Variants in SVOP observed in about 807,000 individuals in gnomAD.
SVOP encodes synaptic vesicle 2-related protein.
Under a neutral mutation model 69.1 loss-of-function variants are expected in SVOP, and 17 were observed. The ratio of observed to expected loss-of-function variants is 0.25; its 90% CI spans 0.17 to 0.37. The LOEUF (loss-of-function observed/expected upper bound fraction) is 0.37. SVOP is among the 10% of genes least tolerant of loss of function. SVOP has a pLI of 1.00. For synonymous variants in SVOP, 238 were observed against 238.6 expected (o/e 1.00, Z 0.02); for missense variants, 435 against 597.5 (o/e 0.73, Z 2.84).
chr12:108,955,298 C>T (rs1187361170), intron 6 of SVOP, among the ~76,000 whole-genome samples: 6 of 152,268 alleles, frequency 3.9e-5, no homozygotes, highest in South Asian at 2.1e-4. Context: ...GAGGGGAAAA[C>T]GGTATCGTCC....
At chr12:108,973,244 C>G (rs2040088939) in intron 4 of SVOP, among the ~76,000 whole-genome samples, 1 of 152,164 alleles carries the variant, frequency 6.6e-6, no homozygotes, top group South Asian at 2.1e-4. Context: ...GATAAGGCAA[C>G]TGAGGGCCAG....
chr12:109,016,529 T>C (rs1408786820), intron 1 of SVOP, among the ~76,000 whole-genome samples: 3 of 152,182 alleles, frequency 2.0e-5, no homozygotes, highest in Non-Finnish European at 2.9e-5. Context: ...TCATTAATGA[T>C]CTTTTGGCTG....
intron 7 of SVOP, among the ~76,000 whole-genome samples, chr12:108,942,208 T>C (rs771214728): frequency 6.6e-6 from 1 of 152,240 alleles, no homozygotes; most frequent in Non-Finnish European, 1.5e-5. Flanking sequence ...AATATTCCAA[T>C]GAATGTATAG....
rs145381631 is a variant in SVOP at position 108,945,095 on chromosome 12, C to T, written c.642+8G>A. The T allele has an allele frequency of 9.1e-6, 14 of 1,536,962 alleles. No individual in the cohort carries two copies. Among genetic ancestry groups the T allele is most frequent in the South Asian group, 1.2e-5 (1 of 84,052 alleles). ...TGCTCTAGAGACCCAGGCCGCTCTC[C>T]TCCTTACCTCAATCAGCAAAATACA... On this transcript the variant is annotated splice_region_variant and intron_variant, in intron 7 of 15. Coordinates refer to ENST00000610966, the MANE Select transcript of SVOP (RefSeq NM_018711.5).
intron 11 of SVOP, among the ~76,000 whole-genome samples, chr12:108,924,444 AG>A (rs2039768448): frequency 1.3e-5 from 2 of 152,302 alleles, no homozygotes; most frequent in African/African-American, 2.4e-5. Context: ...CCAGTTGCTC[AG>A]GCAGAAAGCC....
At chr12:108,935,857 C>G (rs1413834303) in intron 10 of SVOP, among the ~76,000 whole-genome samples, 1 of 152,150 alleles carries the variant, frequency 6.6e-6, no homozygotes, top group Non-Finnish European at 1.5e-5. Context: ...TCTCCACTCC[C>G]TTCCATGGGT....
At chr12:109,007,287 A>G (rs2040314119) in intron 1 of SVOP, among the ~76,000 whole-genome samples, 1 of 152,210 alleles carries the variant, frequency 6.6e-6, no homozygotes, top group Non-Finnish European at 1.5e-5. Flanking sequence ...AGCAGCAGAG[A>G]CTGCCAAGGT....
chr12:108,987,013 C>T (rs36179786), intron 1 of SVOP, among the ~76,000 whole-genome samples: 135,141 of 152,168 alleles, frequency 0.89, 61,170 homozygotes, highest in Non-Finnish European at 0.99. Flanking sequence ...TATTAAAATA[C>T]AAAATTTGCC....
At chr12:108,961,168 G>T (rs1168011650) in intron 5 of SVOP, 121 bp from the exon 6 acceptor site, 9 of 1,265,520 alleles carry the variant, frequency 7.1e-6, no homozygotes, top group Non-Finnish European at 9.4e-6. Flanking sequence ...AACCAAGGGG[G>T]TACTGGGTTC....
intron 14 of SVOP, 142 bp downstream of exon 14, chr12:108,917,901 C>T: frequency 1.7e-6 from 1 of 577,930 alleles, no homozygotes. Flanking sequence ...CTGCCTCGGC[C>T]TCCCAAAGTG....
intron 4 of SVOP, among the ~76,000 whole-genome samples, chr12:108,975,035 C>T (rs144093182): frequency 6.6e-6 from 1 of 152,286 alleles, no homozygotes; most frequent in Non-Finnish European, 1.5e-5. Context: ...CTGGATTCTA[C>T]ATGGTTTTTA....
intron 3 of SVOP, 65 bp from the exon 4 acceptor site, chr12:108,977,561 G>T: frequency 1.8e-6 from 2 of 1,091,494 alleles, no homozygotes; most frequent in East Asian, 2.6e-5. Context: ...GGCTGGCCAA[G>T]TCCATAACCC....
chr12:108,937,314 G>T lies in SVOP; in HGVS notation c.921C>A (p.Asp307Glu), dbSNP rs571006702. The T allele has an allele frequency of 2.5e-6, 4 of 1,613,912 alleles. No individual in the cohort carries two copies. The highest frequency in any genetic ancestry group is 3.3e-5 in the Admixed American group (2 of 60,018). Residue 307 changes from aspartate (D) to glutamate (E), a missense_variant, in exon 10 of 16, where the codon GAC becomes GAA. Coordinates refer to ENST00000610966, the MANE Select transcript of SVOP (RefSeq NM_018711.5). ...TCCATCTAAAATGGGGTGTGAAAAG[G>T]TCCCTCATTTTGCCTCGGTCTTCCT... ...SRQEDRGKMR[D>E]LFTPHFRWTT...
chr12:109,004,348 C>T (rs560534435), intron 1 of SVOP, among the ~76,000 whole-genome samples: 19 of 151,712 alleles, frequency 1.3e-4, no homozygotes, highest in Admixed American at 1.1e-3. Context: ...CTTGTTTGTA[C>T]CACCATAGAA....
rs183713084 is a variant in SVOP, at chr12:108,924,985, C to A, written c.1049-2188G>T. Among the ~76,000 whole-genome samples, 241 of 152,174 alleles carry A rather than the reference C, an allele frequency of 1.6e-3. 2 individuals carry two copies. The highest frequency in any genetic ancestry group is 5.6e-3 in the African/African-American group (234 of 41,528). On this transcript the variant is annotated intron_variant, in intron 11 of 15. Transcript: ENST00000610966. ...ACAGGCCAAACCTTAACACTCCTTC[C>A]TGCTGACCTCAAGTTTTTGAAAAAG...
At chr12:108,928,364 C>CA (rs1197813108) in intron 11 of SVOP, among the ~76,000 whole-genome samples, 2 of 152,070 alleles carry the variant, frequency 1.3e-5, no homozygotes, top group Non-Finnish European at 2.9e-5. Flanking sequence ...ATTTTTGATC[C>CA]AATTCCTCAC....
intron 1 of SVOP, among the ~76,000 whole-genome samples, chr12:108,998,091 A>G (rs2040247088): frequency 6.6e-6 from 1 of 152,110 alleles, no homozygotes; most frequent in Admixed American, 6.6e-5. Flanking sequence ...TATAACTAGA[A>G]TAACCAATAC....
At position 109,020,924 on chromosome 12, in the gene SVOP, T is replaced by G. The variant is rs527583959; in HGVS notation, c.-56A>C. ...ATGGCCCTTACATGGTAGTGGTGGA[T>G]GACGAGCCCTCCGGTTTTCAGCACC... On this transcript the variant is annotated 5_prime_UTR_variant, in exon 1 of 16. Transcript: ENST00000610966. 63 of 704,236 alleles carry G rather than the reference T, an allele frequency of 8.9e-5. 1 individual carries two copies. The Admixed American group carries it at 1.1e-3, about 12-fold the overall frequency. 43.6% of individuals were successfully genotyped at this position (704,236 alleles called of 1,614,324 possible).
rs760726416 is a variant in SVOP, at chr12:108,945,160, C to A, written c.585G>T (p.Thr195=). 251 of 1,536,922 alleles carry A rather than the reference C, an allele frequency of 1.6e-4. No homozygotes were observed. The highest frequency in any genetic ancestry group is 2.0e-4 in the Non-Finnish European group (235 of 1,146,848). The change falls in exon 7 of 16, where the codon ACG becomes ACT. Residue 195 remains threonine, a synonymous_variant. Coordinates refer to ENST00000610966, the MANE Select transcript of SVOP (RefSeq NM_018711.5). The stretch of plus-strand genomic sequence containing the variant: ...TCATGGGAAGGAACTCGGCATACAG[C>A]GTCACCCTGGGAATGTAAAAGGGAA... ...FGIGGVPQSV[T]LYAEFLPMKA...
Sources: allele counts gnomAD v4.1 joint callset (sites outside exome capture counted in the v4.1 genomes callset), GRCh38; gene constraint gnomAD v4.1.1; transcripts MANE v1.5; gene names NCBI Gene and HGNC (gene_info 2026-07-23, HGNC 2026-07-21).